Variants in SYK observed in about 807,000 individuals in gnomAD.
SYK encodes the protein tyrosine-protein kinase SYK.
Under a neutral mutation model 77.8 loss-of-function variants are expected in SYK, and 16 were observed. The ratio of observed to expected loss-of-function variants is 0.21; its 90% CI spans 0.14 to 0.31. The LOEUF (loss-of-function observed/expected upper bound fraction) is 0.31, where lower values mean the gene tolerates loss of function less well. Among genes scored for constraint, SYK ranks in the 10% least tolerant of loss-of-function variants. The probability of loss-of-function intolerance (pLI) is 1.00; values close to 1 mark genes in which losing one functional copy is unlikely to be tolerated. For synonymous variants in SYK, 312 were observed against 308.7 expected (o/e 1.01, Z -0.11); for missense variants, 529 against 814.4 (o/e 0.65, Z 4.26).
At chr9:90,862,373 G>T in intron 4 of SYK, 29 bp downstream of exon 4, 1 of 1,609,346 alleles carries the variant, frequency 6.2e-7, no homozygotes, top group Non-Finnish European at 8.5e-7. Context: ...CCACCTTGTG[G>T]GTAGAGTACA....
intron 3 of SYK, among the ~76,000 whole-genome samples, chr9:90,848,932 A>T (rs915393675): frequency 2.6e-5 from 4 of 152,238 alleles, no homozygotes; most frequent in Non-Finnish European, 5.9e-5. Flanking sequence ...AAGAGGCCTG[A>T]AGGCAGCGAG....
chr9:90,826,900 G>A lies in SYK; in HGVS notation c.-41-16958G>A, dbSNP rs560896562. On this transcript the variant is annotated intron_variant, in intron 1 of 13. Coordinates refer to ENST00000375754, the MANE Select transcript of SYK (RefSeq NM_003177.7). ...AGGCCTGGGAACAGGGACAGAGAGA[G>A]CTGGCACCCTTCTTTCCTCTGCCCT... Among the ~76,000 whole-genome samples the A allele has an allele frequency of 1.1e-4, 16 of 152,152 alleles. No individual in the cohort carries two copies. The South Asian group carries it at 3.3e-3, about 32-fold the overall frequency.
At chr9:90,890,623 C>T (rs909743892) in intron 13 of SYK, among the ~76,000 whole-genome samples, 1 of 152,216 alleles carries the variant, frequency 6.6e-6, no homozygotes, top group African/African-American at 2.4e-5. Flanking sequence ...CTCCAGGGCA[C>T]AAGCCCCAGT....
intron 11 of SYK, among the ~76,000 whole-genome samples, chr9:90,886,498 G>A (rs1828585035): frequency 6.6e-6 from 1 of 152,164 alleles, no homozygotes; most frequent in East Asian, 1.9e-4. Flanking sequence ...AAGGTCAGGA[G>A]ATCAAGACCA....
intron 7 of SYK, among the ~76,000 whole-genome samples, chr9:90,872,734 T>C (rs1827778616): frequency 1.3e-5 from 2 of 152,272 alleles, no homozygotes; most frequent in Non-Finnish European, 2.9e-5. Context: ...ACTTCACATC[T>C]CCTAGTTTTT....
chr9:90,816,431 G>T (rs1054150151), intron 1 of SYK, among the ~76,000 whole-genome samples: 5 of 152,240 alleles, frequency 3.3e-5, no homozygotes, highest in African/African-American at 1.2e-4. Flanking sequence ...GGTTGGACAC[G>T]TCTGCCACCT....
intron 1 of SYK, among the ~76,000 whole-genome samples, chr9:90,841,123 G>A (rs1300037294): frequency 6.6e-6 from 1 of 151,780 alleles, no homozygotes; most frequent in Non-Finnish European, 1.5e-5. Context: ...TGTGTGCAGT[G>A]TGTGTGATGT....
chr9:90,858,201 C>T (rs538871769), intron 3 of SYK, among the ~76,000 whole-genome samples: 27 of 152,318 alleles, frequency 1.8e-4, no homozygotes, highest in African/African-American at 6.5e-4. Context: ...CAACATGCCT[C>T]ACCTTTGGAT....
intron 1 of SYK, among the ~76,000 whole-genome samples, chr9:90,817,876 T>A (rs921572654): frequency 5.9e-3 from 200 of 33,770 alleles, no homozygotes; most frequent in African/African-American, 7.2e-3. Flanking sequence ...TGTGTGTGTG[T>A]GTGTGTGAGA....
intron 9 of SYK, among the ~76,000 whole-genome samples, chr9:90,875,296 G>C (rs80216392): frequency 2.0e-5 from 3 of 151,832 alleles, no homozygotes; most frequent in Admixed American, 1.3e-4. Context: ...ACATAGTAGT[G>C]CACACATATA....
In SYK at chr9:90,884,478, T is replaced by C. The variant is rs1023304045; in HGVS notation, c.1582-3271T>C. On this transcript the variant is annotated intron_variant, in intron 11 of 13. Transcript: ENST00000375754. ...ATACACATATGTGTGTACATATACA[T>C]ACACACACATACACATATGTGTACA... 3.9e-4 allele frequency among the ~76,000 whole-genome samples: 5 copies of C among 12,974 alleles called. 2 individuals are homozygous for C. Among genetic ancestry groups the C allele is most frequent in the African/African-American group, 1.7e-3 (2 of 1,186 alleles). The allele number at this position is 12,974 out of a possible 152,430, so 8.5% of individuals were successfully genotyped here. A position where few individuals can be genotyped will look rare whatever the true frequency, so the allele number is the denominator to read the frequency against.
At chr9:90,854,213 G>A (rs1189984804) in intron 3 of SYK, among the ~76,000 whole-genome samples, 1 of 152,228 alleles carries the variant, frequency 6.6e-6, no homozygotes, top group Non-Finnish European at 1.5e-5. Flanking sequence ...ACCATGAGGT[G>A]TTGAGAGAGA....
intron 1 of SYK, among the ~76,000 whole-genome samples, chr9:90,802,286 C>T (rs2118210668): frequency 6.6e-6 from 1 of 152,330 alleles, no homozygotes; most frequent in South Asian, 2.1e-4. Context: ...AGAACATTTT[C>T]CTTTGGCCAT....
At chr9:90,851,897 T>A (rs1391909560) in intron 3 of SYK, among the ~76,000 whole-genome samples, 1 of 152,202 alleles carries the variant, frequency 6.6e-6, no homozygotes, top group Non-Finnish European at 1.5e-5. Flanking sequence ...TACAATAGAA[T>A]GTATTTTTTG....
intron 13 of SYK, among the ~76,000 whole-genome samples, chr9:90,889,059 G>C (rs1056231504): frequency 1.3e-5 from 2 of 152,228 alleles, no homozygotes; most frequent in African/African-American, 4.8e-5. Flanking sequence ...CCAGCTCACA[G>C]ATACATTGGC....
At chr9:90,855,011 T>TACACACACACACACACACACACACACAC in intron 3 of SYK, among the ~76,000 whole-genome samples, 1 of 143,314 alleles carries the variant, frequency 7.0e-6, no homozygotes, top group Non-Finnish European at 1.5e-5. Flanking sequence ...CACACATACA[T>TACACACACACACACACACACACACACAC]ACACACACAC....
chr9:90,877,413 G>A (rs1042940939), intron 9 of SYK, among the ~76,000 whole-genome samples, 158 bp from the exon 10 acceptor site: 2 of 152,212 alleles, frequency 1.3e-5, no homozygotes, highest in Non-Finnish European at 2.9e-5. Context: ...AGGTTGGAAG[G>A]CCAGCCATCC....
chr9:90,831,778 T>C (rs191148128), intron 1 of SYK, among the ~76,000 whole-genome samples: 11 of 152,356 alleles, frequency 7.2e-5, no homozygotes, highest in African/African-American at 2.6e-4. Flanking sequence ...TTTCTTGTTT[T>C]AGCTCTTATA....
chr9:90,870,077 G>T (rs2118845144), intron 7 of SYK, among the ~76,000 whole-genome samples: 1 of 152,044 alleles, frequency 6.6e-6, no homozygotes, highest in South Asian at 2.1e-4. Flanking sequence ...CTCCAGCCTG[G>T]GAGACAGAGC....
Sources: gnomAD v4.1 joint callset for allele counts (sites outside exome capture counted in the v4.1 genomes callset) on GRCh38, gnomAD v4.1.1 for gene constraint, MANE v1.5 for transcripts, NCBI Gene and HGNC (gene_info 2026-07-23, HGNC 2026-07-21) for gene names.